The following TMEM123 variants were observed in gnomAD, a reference collection of about 807,000 sequenced individuals.
TMEM123 encodes porimin.
In TMEM123, 16 loss-of-function variants were observed where a neutral mutation model predicts 19.7. The observed-to-expected ratio is 0.81, with a 90% CI of 0.55 to 1.23. The LOEUF (loss-of-function observed/expected upper bound fraction) is 1.23, where lower values mean the gene tolerates loss of function less well. Ranked by LOEUF, TMEM123 falls within the 50% of genes most tolerant of loss-of-function variation. The pLI, the probability that TMEM123 is intolerant of heterozygous loss-of-function variation, is 0.00. For synonymous variants in TMEM123, 118 were observed against 99.4 expected (o/e 1.19, Z -1.12); for missense variants, 313 against 257.8 (o/e 1.21, Z -1.47).
At chr11:102,445,686 A>G (rs1345031252) in intron 2 of TMEM123, among the ~76,000 whole-genome samples, 1 of 152,236 alleles carries the variant, frequency 6.6e-6, no homozygotes, top group Non-Finnish European at 1.5e-5. Flanking sequence ...CTTCTTCTGT[A>G]GAAATCTAAA....
intron 2 of TMEM123, among the ~76,000 whole-genome samples, chr11:102,441,997 C>T (rs1857831582): frequency 6.6e-6 from 1 of 152,142 alleles, no homozygotes; most frequent in Non-Finnish European, 1.5e-5. Context: ...CAAGACTAAA[C>T]CAGGAAGAAG....
At position 102,416,196 on chromosome 11, in the gene TMEM123, G is replaced by A. The variant is rs908570147; in HGVS notation, c.158-13990C>T. Reference sequence around the variant, plus strand: ...TCCCAAAGTGTTGGGATTACAAGGTGTGAGGCACCATGCCCAGCCCAAAAG... The same window carrying A: ...TCCCAAAGTGTTGGGATTACAAGGTATGAGGCACCATGCCCAGCCCAAAAG... On this transcript the variant is annotated intron_variant, in intron 2 of 4. Coordinates refer to ENST00000398136, the MANE Select transcript of TMEM123 (RefSeq NM_052932.3). 4.6e-5 allele frequency among the ~76,000 whole-genome samples: 7 copies of A among 152,170 alleles called. No individual in the cohort carries two copies. The South Asian group carries it at 6.2e-4, about 14-fold the overall frequency.
Position 102,402,050 on chromosome 11 carries a change from G to A in TMEM123, c.314C>T (p.Thr105Ile). 1.2e-6 allele frequency: 2 copies of A among 1,613,982 alleles called. No individual in the cohort carries two copies. The highest frequency in any genetic ancestry group is 1.7e-6 in the Non-Finnish European group (2 of 1,179,978). The change falls in exon 3 of 5, where the codon ACA (threonine) becomes ATA (isoleucine). Residue 105 changes from threonine (T) to isoleucine (I), a missense_variant. Thr to Ile is a moderately conservative substitution (Grantham distance 89, BLOSUM62 -1). Transcript: ENST00000398136. ...CTTTAAGGTGGTAGAAGTCATATTTGTTGAGACCATCCCTGGTGTTGTTGT... is the reference window on the plus strand; with the variant it reads ...CTTTAAGGTGGTAGAAGTCATATTTATTGAGACCATCCCTGGTGTTGTTGT... The part of the protein sequence containing the change: ...SNTTTPGMVS[T>I]NMTSTTLKST...
chr11:102,440,396 C>G (rs1024604193), intron 2 of TMEM123, among the ~76,000 whole-genome samples: 1 of 152,212 alleles, frequency 6.6e-6, no homozygotes, highest in Admixed American at 6.5e-5. Context: ...GGCCAATATT[C>G]AACATTCTTA....
chr11:102,443,938 T>TG (rs1442234876), intron 2 of TMEM123, among the ~76,000 whole-genome samples: 1 of 151,986 alleles, frequency 6.6e-6, no homozygotes, highest in African/African-American at 2.4e-5. Context: ...AACAGACACA[T>TG]GAAAAAATGC....
At chr11:102,434,558 G>T (rs1857743964) in intron 2 of TMEM123, among the ~76,000 whole-genome samples, 1 of 151,718 alleles carries the variant, frequency 6.6e-6, no homozygotes, top group South Asian at 2.1e-4. Context: ...TCATTCTGTT[G>T]TTTCCTTTTT....
intron 2 of TMEM123, among the ~76,000 whole-genome samples, chr11:102,410,127 T>A (rs201756604): frequency 1.3e-5 from 2 of 152,212 alleles, no homozygotes; most frequent in Non-Finnish European, 2.9e-5. Flanking sequence ...AGTTAAACTA[T>A]CATTCATTCC....
At chr11:102,431,438 A>G (rs1857708491) in intron 2 of TMEM123, among the ~76,000 whole-genome samples, 2 of 152,240 alleles carry the variant, frequency 1.3e-5, no homozygotes, top group African/African-American at 2.4e-5. Context: ...TTTGGAAGGT[A>G]CCATACACGA....
intron 2 of TMEM123, among the ~76,000 whole-genome samples, chr11:102,416,157 C>T (rs560605986): frequency 1.3e-5 from 2 of 152,294 alleles, no homozygotes; most frequent in South Asian, 2.1e-4. Flanking sequence ...TCAGGTGATC[C>T]ACTCACCCTG....
At chr11:102,444,029 T>A (rs1358408224) in intron 2 of TMEM123, among the ~76,000 whole-genome samples, 1 of 152,014 alleles carries the variant, frequency 6.6e-6, no homozygotes, top group African/African-American at 2.4e-5. Flanking sequence ...TGGCAATCAT[T>A]TAAAAAGTCA....
At chr11:102,404,419 G>T (rs1217147003) in intron 2 of TMEM123, among the ~76,000 whole-genome samples, 4 of 151,990 alleles carry the variant, frequency 2.6e-5, no homozygotes, top group Non-Finnish European at 4.4e-5. Context: ...CAGTAGCTGG[G>T]ATTACAGGCA....
intron 2 of TMEM123, among the ~76,000 whole-genome samples, chr11:102,402,852 A>G (rs544808182): frequency 1.3e-5 from 2 of 152,398 alleles, no homozygotes; most frequent in South Asian, 2.1e-4. Context: ...TGAAAGTTTT[A>G]CAAGTCCAAA....
At chr11:102,450,964 T>C (rs1004548138) in intron 1 of TMEM123, among the ~76,000 whole-genome samples, 2 of 152,272 alleles carry the variant, frequency 1.3e-5, no homozygotes, top group Non-Finnish European at 2.9e-5. Context: ...TCTTCTATTG[T>C]ATACCTTTTA....
intron 2 of TMEM123, among the ~76,000 whole-genome samples, chr11:102,404,215 C>T (rs2135843193): frequency 6.6e-6 from 1 of 152,286 alleles, no homozygotes; most frequent in Admixed American, 6.5e-5. Flanking sequence ...AAAAGTGATA[C>T]TTCATATATT....
chr11:102,448,576 C>A (rs1010243890), intron 2 of TMEM123, among the ~76,000 whole-genome samples: 6 of 152,200 alleles, frequency 3.9e-5, no homozygotes, highest in African/African-American at 1.4e-4. Context: ...AATTCCGATA[C>A]ACTTTTTGTT....
intron 2 of TMEM123, among the ~76,000 whole-genome samples, chr11:102,439,177 T>C (rs113500535): frequency 6.6e-6 from 1 of 152,074 alleles, no homozygotes; most frequent in Admixed American, 6.5e-5. Flanking sequence ...CATACATAGC[T>C]GAACAAAGGG....
intron 2 of TMEM123, among the ~76,000 whole-genome samples, chr11:102,414,641 C>T (rs1952029965): frequency 1.3e-5 from 2 of 152,172 alleles, no homozygotes; most frequent in Non-Finnish European, 2.9e-5. Flanking sequence ...TTCAGACAAG[C>T]AAGCACTAAG....
At chr11:102,434,223 T>TCC (rs1857739774) in intron 2 of TMEM123, among the ~76,000 whole-genome samples, 1 of 151,856 alleles carries the variant, frequency 6.6e-6, no homozygotes, top group South Asian at 2.1e-4. Flanking sequence ...TGTACAAGGG[T>TCC]CCCCCTTGTC....
Position 102,398,887 on chromosome 11 carries a change from C to CATCT in TMEM123, c.603_606dup (p.Glu203ArgfsTer2). Reference sequence around the variant, plus strand: ...TTTCCTTAAATGATGGCATCATGTTCATCTCTGTAATATATTAAAAGTTAC... The same window carrying CATCT: ...TTTCCTTAAATGATGGCATCATGTTCATCTATCTCTGTAATATATTAAAAGTTAC... On this transcript the variant is annotated frameshift_variant, in exon 5 of 5. Coordinates refer to ENST00000398136, the MANE Select transcript of TMEM123 (RefSeq NM_052932.3). LOFTEE classifies it high-confidence loss of function. 1 of 1,610,694 alleles carries CATCT rather than the reference C, an allele frequency of 6.2e-7. No homozygotes were observed. The highest frequency in any genetic ancestry group is 1.3e-5 in the African/African-American group (1 of 74,866).
Sources: allele counts gnomAD v4.1 joint callset (sites outside exome capture counted in the v4.1 genomes callset), GRCh38; gene constraint gnomAD v4.1.1; transcripts MANE v1.5; gene names NCBI Gene and HGNC (gene_info 2026-07-23, HGNC 2026-07-21).